The following TIAM2 variants were observed in gnomAD, a reference collection of about 807,000 sequenced individuals.
TIAM2 encodes TIAM Rac1 associated GEF 2, also known as rho guanine nucleotide exchange factor TIAM2.
TIAM2 carries 80 observed loss-of-function variants against 152.9 expected under a neutral mutation model. That is an observed-to-expected ratio of 0.52 (90% CI 0.44 to 0.63). TIAM2 has a LOEUF of 0.63. TIAM2 is among the 30% of genes least tolerant of loss of function. The probability of loss-of-function intolerance (pLI) is 0.00; values close to 1 mark genes in which losing one functional copy is unlikely to be tolerated. For synonymous variants in TIAM2, 804 were observed against 838.0 expected (o/e 0.96, Z 0.70); for missense variants, 1,965 against 2,120.1 (o/e 0.93, Z 1.44).
intron 2 of TIAM2, among the ~76,000 whole-genome samples, chr6:155,121,220 G>A (rs6929985): frequency 0.22 from 33,307 of 151,950 alleles, 5,907 homozygotes; most frequent in African/African-American, 0.49. Context: ...ATAATACTTT[G>A]TGTTGCATTA....
intron 2 of TIAM2, among the ~76,000 whole-genome samples, chr6:155,106,867 A>G (rs2115000830): frequency 6.6e-6 from 1 of 152,366 alleles, no homozygotes; most frequent in Admixed American, 6.5e-5. Context: ...GGCTTCAGGC[A>G]GCCCATGGAA....
At chr6:155,137,829 A>C (rs1779591056) in intron 5 of TIAM2, among the ~76,000 whole-genome samples, 1 of 151,996 alleles carries the variant, frequency 6.6e-6, no homozygotes, top group South Asian at 2.1e-4. Flanking sequence ...TAATTAGTGG[A>C]TTTTTTACTT....
rs1286912350 is a variant in TIAM2, at chr6:155,256,889, C to A, written c.4874C>A (p.Pro1625His). Reference sequence around the variant, plus strand: ...GAGGGTCAGAAAGGAGGAGAGCAGCCCAAACTGGTCCGGGGGCACTTCTGC... The same window carrying A: ...GAGGGTCAGAAAGGAGGAGAGCAGCACAAACTGGTCCGGGGGCACTTCTGC... ...SGEGQKGGEQ[P>H]KLVRGHFCPI... Residue 1625 changes from proline to histidine, a missense_variant, in exon 27 of 27, where the codon CCC (proline) becomes CAC (histidine). This residue lies in a region of TIAM2 where 935 missense variants were observed against 980.0 expected (regional missense o/e 0.95). Coordinates refer to ENST00000682666, the MANE Select transcript of TIAM2 (RefSeq NM_012454.4). The A allele has an allele frequency of 3.7e-6, 6 of 1,614,060 alleles. No homozygotes were observed. The highest frequency in any genetic ancestry group is 4.2e-6 in the Non-Finnish European group (5 of 1,180,044).
At chr6:155,004,113 T>C (rs61345413) in intron 1 of TIAM2, among the ~76,000 whole-genome samples, 2 of 152,228 alleles carry the variant, frequency 1.3e-5, no homozygotes, top group African/African-American at 4.8e-5. Context: ...TGACCTCAGG[T>C]GATCTGCCTG....
At chr6:155,190,763 C>G (rs908973076) in intron 14 of TIAM2, among the ~76,000 whole-genome samples, 8 of 152,036 alleles carry the variant, frequency 5.3e-5, no homozygotes, top group Non-Finnish European at 1.0e-4. Flanking sequence ...TGAGCCGGCT[C>G]TCTGTGAAGC....
In TIAM2 at chr6:155,156,622, C is replaced by T. The variant is rs890168402; in HGVS notation, c.2029-7793C>T. 1.3e-5 allele frequency among the ~76,000 whole-genome samples: 2 copies of T among 152,130 alleles called. No homozygotes were observed. Among genetic ancestry groups the T allele is most frequent in the African/African-American group, 2.4e-5 (1 of 41,420 alleles). The stretch of plus-strand genomic sequence containing the variant: ...TCCATGAGCTGAGATCACACCATTG[C>T]ACTCCAGCCTGGGCAACAGAGTGAT... On this transcript the variant is annotated intron_variant, in intron 7 of 26. Transcript: ENST00000682666. This position sits in a 1 kb window ranked among gnomAD's most constrained non-coding sequence, Gnocchi z 4.4.
intron 1 of TIAM2, among the ~76,000 whole-genome samples, chr6:155,031,582 G>T (rs576166048): frequency 6.6e-6 from 1 of 152,150 alleles, no homozygotes; most frequent in East Asian, 1.9e-4. Flanking sequence ...AAATTAGCTG[G>T]GTGTGGTGGC....
chr6:155,197,090 C>G (rs543344822), intron 14 of TIAM2, among the ~76,000 whole-genome samples: 2 of 152,364 alleles, frequency 1.3e-5, no homozygotes, highest in Non-Finnish European at 2.9e-5. Context: ...TCCACAGTTT[C>G]TAGAGTGGCA....
chr6:155,253,115 T>C (rs1404470701), intron 24 of TIAM2, 62 bp downstream of exon 24: 12 of 1,396,746 alleles, frequency 8.6e-6, no homozygotes, highest in Non-Finnish European at 1.2e-5. Flanking sequence ...CTGTGGAATG[T>C]AAATTAAGAA....
intron 15 of TIAM2, among the ~76,000 whole-genome samples, chr6:155,237,236 A>C (rs889950607): frequency 2.6e-5 from 4 of 152,236 alleles, no homozygotes; most frequent in African/African-American, 4.8e-5. Flanking sequence ...TAAAGCTCCA[A>C]AATGATCTCC....
rs71558246 is a variant in TIAM2 at position 155,256,019 on chromosome 6, A to AGGG, written c.4469-458_4469-456dup. The AGGG allele has an allele frequency of 3.5e-4, 52 of 146,482 alleles. No homozygotes were observed. The East Asian group carries it at 3.8e-3, about 11-fold the overall frequency. 9.1% of individuals were successfully genotyped at this position (146,482 alleles called of 1,614,324 possible). A position where few individuals can be genotyped will look rare whatever the true frequency, so the allele number is the denominator to read the frequency against. On this transcript the variant is annotated intron_variant, in intron 26 of 26. Transcript: ENST00000682666. ...AGCAAGACACTGTCTTTAAAAAAAA[A>AGGG]GGGGGGGGGAGGGGCATTTTCTACT...
intron 1 of TIAM2, among the ~76,000 whole-genome samples, chr6:155,011,537 C>G (rs888147010): frequency 4.0e-5 from 6 of 151,698 alleles, no homozygotes; most frequent in Non-Finnish European, 8.8e-5. Context: ...ATGCACACTT[C>G]CTTCGGTCAT....
intron 1 of TIAM2, among the ~76,000 whole-genome samples, chr6:155,060,633 T>A (rs1241311443): frequency 6.6e-6 from 1 of 151,678 alleles, no homozygotes; most frequent in Non-Finnish European, 1.5e-5. Context: ...CAGTGGCTCA[T>A]GCCTGTAATC....
intron 15 of TIAM2, among the ~76,000 whole-genome samples, chr6:155,229,030 C>A (rs573850774): frequency 6.6e-6 from 1 of 152,244 alleles, no homozygotes; most frequent in Admixed American, 6.5e-5. Context: ...GTCCGCATTT[C>A]CTCCAGACAG....
rs377062596 is a variant in TIAM2 at position 155,146,115 on chromosome 6, C to T, written c.1803+1337C>T. Among the ~76,000 whole-genome samples, 60 of 152,210 alleles carry T rather than the reference C, an allele frequency of 3.9e-4. No homozygotes were observed. In the East Asian group the frequency reaches 6.0e-3, roughly 15 times the overall value. On this transcript the variant is annotated intron_variant, in intron 6 of 26. Coordinates refer to ENST00000682666, the MANE Select transcript of TIAM2 (RefSeq NM_012454.4). The stretch of plus-strand genomic sequence containing the variant: ...ACATCCTTAGTTTTGAGAGTTTTCC[C>T]GCCTGTGATCCCAGCACTTTGGAGG...
chr6:155,092,993 T>C (rs1583185893), intron 2 of TIAM2, among the ~76,000 whole-genome samples: 1 of 152,346 alleles, frequency 6.6e-6, no homozygotes, highest in Non-Finnish European at 1.5e-5. Flanking sequence ...CCAGAAAGAA[T>C]AGACTTGCTT....
At chr6:155,198,385 G>A (rs572482263) in intron 14 of TIAM2, among the ~76,000 whole-genome samples, 4 of 152,266 alleles carry the variant, frequency 2.6e-5, no homozygotes, top group South Asian at 4.1e-4. Flanking sequence ...TAATGAGGCC[G>A]GGCGTGGTGG....
intron 16 of TIAM2, among the ~76,000 whole-genome samples, chr6:155,242,767 G>A (rs995545466): frequency 1.3e-5 from 2 of 152,014 alleles, no homozygotes; most frequent in East Asian, 1.9e-4. Flanking sequence ...ATGGAGTCTC[G>A]CTCTGTCACC....
chr6:155,152,263 CAAG>C (rs1207222837), intron 7 of TIAM2, among the ~76,000 whole-genome samples: 1 of 152,226 alleles, frequency 6.6e-6, no homozygotes, highest in Non-Finnish European at 1.5e-5. Flanking sequence ...CCAAAACTGC[CAAG>C]AAGAATGCAG....
Sources: allele counts gnomAD v4.1 joint callset (sites outside exome capture counted in the v4.1 genomes callset), GRCh38; gene constraint gnomAD v4.1.1; regional missense constraint gnomAD v4.1.1; non-coding constraint Gnocchi (gnomAD v3.1); transcripts MANE v1.5; gene names NCBI Gene and HGNC (gene_info 2026-07-23, HGNC 2026-07-21).